MPRIP: variants seen among roughly 807,000 people sequenced by gnomAD.
MPRIP encodes myosin phosphatase Rho-interacting protein.
MPRIP carries 59 observed loss-of-function variants against 234.9 expected under a neutral mutation model. The observed-to-expected ratio is 0.25, with a 90% confidence interval of 0.20 to 0.31. The LOEUF (loss-of-function observed/expected upper bound fraction) is 0.31, where lower values mean the gene tolerates loss of function less well. Ranked by LOEUF, MPRIP falls within the 10% of genes least tolerant of loss-of-function variation. The pLI, the probability that MPRIP is intolerant of heterozygous loss-of-function variation, is 1.00. For synonymous variants in MPRIP, 1,144 were observed against 1,263.9 expected, an observed-to-expected ratio of 0.91 and a Z score of 2.01; for missense variants, 2,436 against 3,071.0, an observed-to-expected ratio of 0.79 and a Z score of 4.89.
At chr17:17,048,723 C>T (rs1024802418) in intron 1 of MPRIP, among the ~76,000 whole-genome samples, 10 of 152,136 alleles carry the variant, frequency 6.6e-5, no homozygotes, top group African/African-American at 1.9e-4. Flanking sequence ...AACTCTTGCA[C>T]GTTGCTGGTG....
intron 14 of MPRIP, among the ~76,000 whole-genome samples, chr17:17,160,661 A>G (rs2045843094): frequency 6.6e-6 from 1 of 152,240 alleles, no homozygotes; most frequent in South Asian, 2.1e-4. Context: ...CTCTTTTTGC[A>G]AACAGAACTT....
chr17:17,158,871 C>T lies in MPRIP; in HGVS notation c.2269C>T (p.Arg757Trp), dbSNP rs757770878. Reference protein sequence around the residue: ...THNVHVEIEQRWHQVETTPLR... With the variant: ...THNVHVEIEQWWHQVETTPLR... ...TAACGTCCACGTGGAGATTGAGCAG[C>T]GGTGGCATCAGGTGGAGACCACACC... Residue 757 changes from arginine (R) to tryptophan (W), a missense_variant, in exon 14 of 24, where the codon CGG (arginine) becomes TGG (tryptophan). Arg to Trp is a moderately radical substitution (Grantham distance 101). Coordinates refer to ENST00000651222, the MANE Select transcript of MPRIP (RefSeq NM_001364716.4). 31 of 1,611,870 alleles carry T rather than the reference C, an allele frequency of 1.9e-5. No homozygotes were observed. Among genetic ancestry groups the T allele is most frequent in the African/African-American group, 2.7e-5 (2 of 74,904 alleles).
At chr17:17,144,287 C>T (rs1458649778) in intron 9 of MPRIP, among the ~76,000 whole-genome samples, 5 of 152,234 alleles carry the variant, frequency 3.3e-5, no homozygotes, top group Middle Eastern at 3.2e-3. Context: ...CATGGGCCTC[C>T]GGCCTGCCCC....
intron 3 of MPRIP, among the ~76,000 whole-genome samples, chr17:17,122,571 T>A (rs906086409): frequency 1.3e-5 from 2 of 152,186 alleles, no homozygotes; most frequent in Non-Finnish European, 2.9e-5. Context: ...GCCAGGATGA[T>A]CTCGATCTCC....
chr17:17,179,060 A>G (rs1247790585), intron 22 of MPRIP, among the ~76,000 whole-genome samples: 1 of 152,262 alleles, frequency 6.6e-6, no homozygotes, highest in Non-Finnish European at 1.5e-5. Context: ...ACCCGCCTGT[A>G]ATCCCAGCAC....
At chr17:17,126,201 G>A (rs1219104430) in intron 3 of MPRIP, among the ~76,000 whole-genome samples, 9 of 152,286 alleles carry the variant, frequency 5.9e-5, no homozygotes, top group South Asian at 2.1e-4. Flanking sequence ...GGAAGGTGCC[G>A]TGGGCCAGGC....
chr17:17,123,667 G>C (rs1168103159), intron 3 of MPRIP, among the ~76,000 whole-genome samples: 1 of 136,260 alleles, frequency 7.3e-6, no homozygotes, highest in Non-Finnish European at 1.5e-5. Flanking sequence ...TCACACCACT[G>C]CACTCCAGCC....
intron 3 of MPRIP, among the ~76,000 whole-genome samples, chr17:17,103,406 G>A (rs1244328777): frequency 6.6e-6 from 1 of 152,230 alleles, no homozygotes; most frequent in Non-Finnish European, 1.5e-5. Flanking sequence ...TTTGGGAGCA[G>A]CGGCTGCTAT....
intron 1 of MPRIP, among the ~76,000 whole-genome samples, chr17:17,053,184 C>A (rs531879416): frequency 6.6e-6 from 1 of 152,166 alleles, no homozygotes; most frequent in East Asian, 1.9e-4. Flanking sequence ...CACAGTCCCA[C>A]TTTTCATTTC....
At chr17:17,051,440 C>T (rs1011775503) in intron 1 of MPRIP, among the ~76,000 whole-genome samples, 1 of 152,202 alleles carries the variant, frequency 6.6e-6, no homozygotes, top group African/African-American at 2.4e-5. Flanking sequence ...AGCTGAATGA[C>T]ACCGTTGGAC....
intron 5 of MPRIP, among the ~76,000 whole-genome samples, chr17:17,133,373 G>A (rs1041693382): frequency 2.0e-5 from 3 of 152,214 alleles, no homozygotes; most frequent in Admixed American, 6.5e-5. Flanking sequence ...CTTGTGGGGT[G>A]ACGTGGGGGC....
At chr17:17,175,168 T>C in intron 19 of MPRIP, 125 bp from the exon 20 acceptor site, 2 of 1,405,226 alleles carry the variant, frequency 1.4e-6, no homozygotes, top group East Asian at 2.3e-5. Context: ...GGGTTATCGA[T>C]TGGATCCTGC....
intron 3 of MPRIP, among the ~76,000 whole-genome samples, chr17:17,080,185 C>T (rs1452386819): frequency 6.6e-6 from 1 of 152,194 alleles, no homozygotes; most frequent in Non-Finnish European, 1.5e-5. Flanking sequence ...GGAGGGGTTT[C>T]CCTGTTGTAT....
At position 17,187,917 on chromosome 17, in the gene MPRIP, A is replaced by G. The variant is rs937437663; in HGVS notation, c.*3023A>G. Reference sequence around the variant, plus strand: ...CAAATAGATAGACTTCAGCATTTTAATTATTTTCCTATAAATGTATTTATG... The same window carrying G: ...CAAATAGATAGACTTCAGCATTTTAGTTATTTTCCTATAAATGTATTTATG... On this transcript the variant is annotated 3_prime_UTR_variant, in exon 24 of 24. Coordinates refer to ENST00000651222, the MANE Select transcript of MPRIP (RefSeq NM_001364716.4). 7 of 152,236 alleles carry G rather than the reference A, an allele frequency of 4.6e-5. No homozygotes were observed. Among genetic ancestry groups the G allele is most frequent in the Admixed American group, 2.6e-4 (4 of 15,286 alleles). The allele number at this position is 152,236 out of a possible 1,614,324, so 9.4% of individuals were successfully genotyped here.
intron 1 of MPRIP, among the ~76,000 whole-genome samples, chr17:17,071,578 G>A (rs1248242847): frequency 6.6e-6 from 1 of 152,182 alleles, no homozygotes; most frequent in Non-Finnish European, 1.5e-5. Context: ...GGAAGCAGAA[G>A]TTTCAAGGCA....
At chr17:17,104,172 C>T (rs1324605874) in intron 3 of MPRIP, among the ~76,000 whole-genome samples, 1 of 152,208 alleles carries the variant, frequency 6.6e-6, no homozygotes, top group African/African-American at 2.4e-5. Context: ...ATGCTTACCT[C>T]CATTATACAG....
At chr17:17,128,732 C>G (rs957711119) in intron 4 of MPRIP, among the ~76,000 whole-genome samples, 1 of 152,218 alleles carries the variant, frequency 6.6e-6, no homozygotes, top group Non-Finnish European at 1.5e-5. Flanking sequence ...CCGCCCTCAC[C>G]TTCCCACAAG....
rs1421495929 is a variant in MPRIP at position 17,150,033 on chromosome 17, GTATAC to G, written c.1630-107_1630-103del. 19 of 775,552 alleles carry G rather than the reference GTATAC, an allele frequency of 2.4e-5. No individual in the cohort carries two copies. The African/African-American group carries it at 3.2e-4, about 13-fold the overall frequency. The allele number at this position is 775,552 out of a possible 1,614,324, so 48.0% of individuals were successfully genotyped here. On this transcript the variant is annotated intron_variant, in intron 11 of 23. Coordinates refer to ENST00000651222, the MANE Select transcript of MPRIP (RefSeq NM_001364716.4). ...AGACGGTGTCCTCACTTGTCAGTGT[GTATAC>G]TATTAAAAGTAAAGTCAGTGCAGAA... is the stretch of plus-strand genomic sequence containing the variant.
Position 17,158,966 on chromosome 17 carries a change from C to G in MPRIP, c.2364C>G (p.Leu788=), listed in dbSNP as rs372667537. The G allele has an allele frequency of 6.2e-7, 1 of 1,612,830 alleles. No individual in the cohort carries two copies. The highest frequency in any genetic ancestry group is 8.5e-7 in the Non-Finnish European group (1 of 1,179,946). ...CTTCTGAAGATGGGGGTGACCGGCT[C>G]TCCACACACGAGCTGACCTCTCTGC... ...HLSSEDGGDR[L]STHELTSLLE... is the part of the protein sequence containing the mutation. Residue 788 remains leucine (L), a synonymous_variant, in exon 14 of 24, where the codon CTC becomes CTG. Transcript: ENST00000651222.
Sources: allele counts gnomAD v4.1 joint callset (sites outside exome capture counted in the v4.1 genomes callset), GRCh38; gene constraint gnomAD v4.1.1; transcripts MANE v1.5; gene names NCBI Gene and HGNC (gene_info 2026-07-23, HGNC 2026-07-21).